Variants in UNC80 observed in about 807,000 individuals in gnomAD.
UNC80 encodes protein unc-80 homolog.
In UNC80, 164 loss-of-function variants were observed where a neutral mutation model predicts 384.6. The ratio of observed to expected loss-of-function variants is 0.43; its 90% CI spans 0.38 to 0.49. The LOEUF (loss-of-function observed/expected upper bound fraction) is 0.49, where lower values mean the gene tolerates loss of function less well. Ranked by LOEUF, UNC80 falls within the 20% of genes least tolerant of loss-of-function variation. The pLI is 0.00. For missense variants in UNC80, 3,330 were observed against 4,143.0 expected, an observed-to-expected ratio of 0.80 and a Z score of 5.39; for synonymous variants, 1,486 against 1,527.8, an observed-to-expected ratio of 0.97 and a Z score of 0.64.
intron 22 of UNC80, among the ~76,000 whole-genome samples, chr2:209,851,593 C>G (rs10469762): frequency 0.015 from 2,347 of 152,170 alleles, 51 homozygotes; most frequent in African/African-American, 0.053. Flanking sequence ...CACAACAAAA[C>G]TCAACTGGAG....
At chr2:209,970,982 AC>A in intron 54 of UNC80, 25 bp downstream of exon 54, 1 of 1,544,176 alleles carries the variant, frequency 6.5e-7, no homozygotes, top group Admixed American at 2.0e-5. Flanking sequence ...CCTGTTTGTC[AC>A]GCTCATTAAG....
In UNC80 at chr2:209,775,921, G is replaced by T. The variant is rs761790112; in HGVS notation, c.174G>T (p.Leu58=). The part of the protein sequence containing the change: ...SFERVLVENK[L]HGLSPALSEA... Reference sequence around the variant, plus strand: ...AGCGAGTGTTGGTAGAAAACAAGCTGCATGGCCTCTCTCCAGCTCTCTCTG... The same window carrying T: ...AGCGAGTGTTGGTAGAAAACAAGCTTCATGGCCTCTCTCCAGCTCTCTCTG... The change falls in exon 3 of 65, where the codon CTG becomes CTT. Residue 58 remains leucine (L), a synonymous_variant. Transcript: ENST00000673920. The T allele has an allele frequency of 1.2e-6, 2 of 1,614,084 alleles. No homozygotes were observed. Among genetic ancestry groups the T allele is most frequent in the Non-Finnish European group, 1.7e-6 (2 of 1,180,028 alleles).
intron 47 of UNC80, among the ~76,000 whole-genome samples, chr2:209,950,334 T>TC (rs2092112617): frequency 3.9e-5 from 6 of 151,970 alleles, no homozygotes; most frequent in African/African-American, 9.7e-5. Flanking sequence ...TATGCTTTTT[T>TC]TAAAAAAAAA....
intron 22 of UNC80, among the ~76,000 whole-genome samples, chr2:209,852,854 A>T (rs555380672): frequency 1.3e-5 from 2 of 152,252 alleles, no homozygotes; most frequent in African/African-American, 4.8e-5. Flanking sequence ...TCTTTCAAGA[A>T]TGCCTCAGTT....
At chr2:209,830,410 T>C (rs1361671218) in intron 15 of UNC80, among the ~76,000 whole-genome samples, 1 of 152,190 alleles carries the variant, frequency 6.6e-6, no homozygotes, top group East Asian at 1.9e-4. Context: ...ATGATTTTTT[T>C]CTCCTTTTTA....
At chr2:209,873,035 T>G in intron 23 of UNC80, 65 bp downstream of exon 23, 1 of 1,411,876 alleles carries the variant, frequency 7.1e-7, no homozygotes, top group Non-Finnish European at 9.8e-7. Flanking sequence ...ATTTTTTGAT[T>G]GATTGTGTTT....
Position 209,817,881 on chromosome 2 carries a change from A to T in UNC80, c.1622A>T (p.His541Leu). Residue 541 changes from histidine (H) to leucine (L), a missense_variant, in exon 11 of 65, where the codon CAC (histidine) becomes CTC (leucine). Around this residue, in one of 8 missense-constraint regions of UNC80, gnomAD observed 937 missense variants for 1,026.8 expected, o/e 0.91. Coordinates refer to ENST00000673920, the MANE Select transcript of UNC80 (RefSeq NM_001371986.1). Reference sequence around the variant, plus strand: ...GAGAGTCTGAGCGCCAGGCATTCCCACTCCCATCACACCCTGGTAAGCGAC... The same window carrying T: ...GAGAGTCTGAGCGCCAGGCATTCCCTCTCCCATCACACCCTGGTAAGCGAC... The part of the protein sequence containing the change: ...EMESLSARHS[H>L]SHHTLVSDLP... 6.4e-7 allele frequency: 1 copy of T among 1,551,270 alleles called. No homozygotes were observed. Among genetic ancestry groups the T allele is most frequent in the Non-Finnish European group, 8.7e-7 (1 of 1,146,912 alleles).
At chr2:209,868,680 G>C (rs2084039551) in intron 22 of UNC80, among the ~76,000 whole-genome samples, 2 of 152,212 alleles carry the variant, frequency 1.3e-5, no homozygotes, top group Non-Finnish European at 2.9e-5. Flanking sequence ...GACTGTAAGA[G>C]ACTCCCATGC....
chr2:209,875,481 T>G (rs2124886984), intron 23 of UNC80, among the ~76,000 whole-genome samples: 1 of 152,308 alleles, frequency 6.6e-6, no homozygotes, highest in Middle Eastern at 3.4e-3. Flanking sequence ...GAGTCCATGC[T>G]TGTCTCAGCA....
intron 5 of UNC80, 107 bp downstream of exon 5, chr2:209,786,296 T>C (rs985098395): frequency 7.4e-7 from 1 of 1,349,202 alleles, no homozygotes; most frequent in Non-Finnish European, 1.0e-6. Context: ...GAAGCAAATA[T>C]CTACATGTAG....
intron 22 of UNC80, among the ~76,000 whole-genome samples, chr2:209,853,098 T>C (rs2082649031): frequency 6.6e-6 from 1 of 152,070 alleles, no homozygotes; most frequent in African/African-American, 2.4e-5. Flanking sequence ...GACATAGTTA[T>C]AGATTCCGCC....
chr2:209,872,628 A>C lies in UNC80; in HGVS notation c.3628-130A>C. 2.3e-6 allele frequency: 2 copies of C among 865,900 alleles called. No homozygotes were observed. Among genetic ancestry groups the C allele is most frequent in the East Asian group, 2.7e-5 (1 of 36,880 alleles). The allele number at this position is 865,900 out of a possible 1,614,324, so 53.6% of individuals were successfully genotyped here. On this transcript the variant is annotated intron_variant, in intron 22 of 64. Coordinates refer to ENST00000673920, the MANE Select transcript of UNC80 (RefSeq NM_001371986.1). The surrounding 1 kb of genome is among the most constrained non-coding windows in gnomAD (Gnocchi z 4.1). ...TGGCCATACTGACACCACCCTGGGA[A>C]ATATGGCCAATATAAATCAAAACAT...
At chr2:209,939,852 C>T (rs755181041) in intron 43 of UNC80, among the ~76,000 whole-genome samples, 200 bp downstream of exon 43, 67 of 152,258 alleles carry the variant, frequency 4.4e-4, no homozygotes, top group Non-Finnish European at 8.4e-4. Context: ...ATCTCCTAAA[C>T]GCACTTGTTT....
At chr2:209,943,287 C>T (rs1559370222) in intron 44 of UNC80, 93 bp from the exon 45 acceptor site, 3 of 1,448,470 alleles carry the variant, frequency 2.1e-6, no homozygotes, top group Non-Finnish European at 2.8e-6. Context: ...TAGCCATTTC[C>T]CTCCAAGCTT....
chr2:209,972,270 A>T lies in UNC80; in HGVS notation c.8326A>T (p.Met2776Leu), dbSNP rs1341303938. The T allele has an allele frequency of 2.6e-6, 4 of 1,551,770 alleles. No individual in the cohort carries two copies. Among genetic ancestry groups the T allele is most frequent in the Admixed American group, 3.9e-5 (2 of 51,010 alleles). Residue 2776 changes from methionine (M) to leucine (L), a missense_variant, in exon 55 of 65, where the codon ATG becomes TTG. By Grantham distance (15) the Met-to-Leu change is conservative (BLOSUM62 2). This residue lies in a region of UNC80 where 1,049 missense variants were observed against 1,488.6 expected (regional missense o/e 0.70). Coordinates refer to ENST00000673920, the MANE Select transcript of UNC80 (RefSeq NM_001371986.1). ...PFTNQERREG[M>L]LLNLLIPFVL... ...CACCAATCAAGAGCGAAGGGAGGGG[A>T]TGCTTTTAAATCTGCTCATCCCATT...
intron 5 of UNC80, among the ~76,000 whole-genome samples, chr2:209,788,273 G>A (rs1018615197): frequency 2.0e-5 from 3 of 151,992 alleles, no homozygotes; most frequent in African/African-American, 7.2e-5. Flanking sequence ...AAAATTAGCT[G>A]GGCTTGGTAG....
chr2:209,778,063 C>G (rs1031768001), intron 4 of UNC80, among the ~76,000 whole-genome samples: 3 of 152,200 alleles, frequency 2.0e-5, no homozygotes, highest in African/African-American at 7.2e-5. Flanking sequence ...TTCCTACCCC[C>G]TTTGCATTTT....
chr2:209,818,053 T>C (rs2079871459), intron 11 of UNC80, 101 bp downstream of exon 11: 1 of 1,414,870 alleles, frequency 7.1e-7, no homozygotes, highest in African/African-American at 1.4e-5. Flanking sequence ...CTTCCTGTGT[T>C]TTCTGAAAAC....
intron 28 of UNC80, among the ~76,000 whole-genome samples, chr2:209,904,290 G>A (rs1196962194): frequency 6.6e-6 from 1 of 152,184 alleles, no homozygotes; most frequent in Non-Finnish European, 1.5e-5. Context: ...GGCCAGAGGA[G>A]AAGAAGTGGA....
Sources: allele counts gnomAD v4.1 joint callset (sites outside exome capture counted in the v4.1 genomes callset), GRCh38; gene constraint gnomAD v4.1.1; regional missense constraint gnomAD v4.1.1; non-coding constraint Gnocchi (gnomAD v3.1); transcripts MANE v1.5; gene names NCBI Gene and HGNC (gene_info 2026-07-23, HGNC 2026-07-21).